CCDC6: variants seen among roughly 807,000 people sequenced by gnomAD.
The protein encoded by CCDC6 is coiled-coil domain containing 6.
A neutral mutation model predicts 56.6 loss-of-function variants in CCDC6; 20 were observed. The observed-to-expected ratio is 0.35, with a 90% confidence interval of 0.25 to 0.51. CCDC6 has a LOEUF of 0.51. Ranked by LOEUF, CCDC6 falls within the 20% of genes least tolerant of loss-of-function variation. CCDC6 has a pLI of 0.95. For synonymous variants in CCDC6, 241 were observed against 234.4 expected (o/e 1.03, Z -0.26); for missense variants, 367 against 601.1 (o/e 0.61, Z 4.07).
chr10:59,820,614 G>A (rs1406063927), intron 3 of CCDC6, among the ~76,000 whole-genome samples: 1 of 152,008 alleles, frequency 6.6e-6, no homozygotes, highest in Non-Finnish European at 1.5e-5. Flanking sequence ...CAGATGCAGT[G>A]CCATGTGCTT....
chr10:59,827,477 A>G (rs1056248888), intron 3 of CCDC6, among the ~76,000 whole-genome samples: 32 of 152,098 alleles, frequency 2.1e-4, no homozygotes, highest in African/African-American at 7.2e-4. Flanking sequence ...GACAGGCAGG[A>G]AGGACAACTA....
At chr10:59,834,089 T>C (rs920706366) in intron 2 of CCDC6, among the ~76,000 whole-genome samples, 3 of 152,144 alleles carry the variant, frequency 2.0e-5, no homozygotes, top group Non-Finnish European at 4.4e-5. Flanking sequence ...GCCCAGGGGA[T>C]GCAACGTTTC....
intron 1 of CCDC6, among the ~76,000 whole-genome samples, chr10:59,889,930 C>T (rs2071409044): frequency 6.6e-6 from 1 of 152,212 alleles, no homozygotes; most frequent in Non-Finnish European, 1.5e-5. Flanking sequence ...TTCTCAGCAA[C>T]TCTACCACTG....
intron 1 of CCDC6, among the ~76,000 whole-genome samples, chr10:59,853,392 G>A (rs1324077967): frequency 6.6e-6 from 1 of 152,100 alleles, no homozygotes; most frequent in African/African-American, 2.4e-5. Context: ...AAATTAGTCA[G>A]GCATGGTGGC....
Position 59,812,704 on chromosome 10 carries a change from G to A in CCDC6, c.778C>T (p.Arg260Cys). The change falls in exon 5 of 9, where the codon CGT becomes TGT. Residue 260 changes from arginine (R) to cysteine (C), a missense_variant. Arg to Cys is a radical substitution (Grantham distance 180). This residue lies in a region of CCDC6 where 81 missense variants were observed against 150.8 expected (regional missense o/e 0.54). Transcript: ENST00000263102. Reference protein sequence around the residue: ...MEIDSPENMMRHIRFLKNEVE... With the variant: ...MEIDSPENMMCHIRFLKNEVE... ...TCATTCTTTAAAAACCTGATGTGAC[G>A]CATCATATTTTCTGGAGAATCAATC... is the stretch of plus-strand genomic sequence containing the variant. 2.5e-6 allele frequency: 4 copies of A among 1,611,320 alleles called. No individual in the cohort carries two copies. Among genetic ancestry groups the A allele is most frequent in the Non-Finnish European group, 3.4e-6 (4 of 1,177,672 alleles).
intron 7 of CCDC6, among the ~76,000 whole-genome samples, chr10:59,802,167 T>C (rs1432766626): frequency 1.3e-5 from 2 of 152,224 alleles, no homozygotes; most frequent in Non-Finnish European, 1.5e-5. Context: ...ATATAATTCA[T>C]AAAAGCAGTC....
chr10:59,880,114 A>G (rs1033430926), intron 1 of CCDC6, among the ~76,000 whole-genome samples: 6 of 152,228 alleles, frequency 3.9e-5, no homozygotes, highest in Non-Finnish European at 5.9e-5. Context: ...TTTAAAAAAT[A>G]CCGAAGACAT....
In CCDC6 at chr10:59,812,660, C is replaced by A. The variant is rs1043914419; in HGVS notation, c.822G>T (p.Lys274Asn). Residue 274 changes from lysine to asparagine, a missense_variant, in exon 5 of 9, where the codon AAG becomes AAT. By Grantham distance (94) the Lys-to-Asn change is moderately conservative (BLOSUM62 0). Transcript: ENST00000263102. ...GCTGTAACTGAGCAGCTCTCAGTTG[C>A]TTCTTCAGCCGTTCCACTTCATTCT... is the stretch of plus-strand genomic sequence containing the variant. ...FLKNEVERLK[K>N]QLRAAQLQHS... 12 of 1,613,254 alleles carry A rather than the reference C, an allele frequency of 7.4e-6. No individual in the cohort carries two copies. The African/African-American group carries it at 1.6e-4, about 22-fold the overall frequency.
intron 1 of CCDC6, among the ~76,000 whole-genome samples, chr10:59,900,337 A>C (rs1308383675): frequency 2.0e-5 from 3 of 152,158 alleles, no homozygotes; most frequent in African/African-American, 7.2e-5. Context: ...AAGGCAGTAC[A>C]GTCTATTTCA....
intron 5 of CCDC6, 41 bp downstream of exon 5, chr10:59,812,594 A>T (rs1564739794): frequency 1.4e-6 from 2 of 1,456,810 alleles, no homozygotes; most frequent in Admixed American, 4.0e-5. Flanking sequence ...AAAGTTATTA[A>T]TTCTACAGGC....
At chr10:59,891,100 A>G (rs768408710) in intron 1 of CCDC6, among the ~76,000 whole-genome samples, 6 of 152,240 alleles carry the variant, frequency 3.9e-5, no homozygotes, top group Non-Finnish European at 7.3e-5. Context: ...CAGATCAACA[A>G]CAAATAATTT....
At chr10:59,811,014 G>T (rs1052659609) in intron 5 of CCDC6, among the ~76,000 whole-genome samples, 2 of 152,154 alleles carry the variant, frequency 1.3e-5, no homozygotes, top group Non-Finnish European at 2.9e-5. Flanking sequence ...ACAAGCCAGG[G>T]AATCCAGGCA....
chr10:59,859,191 T>G (rs1019147806), intron 1 of CCDC6, among the ~76,000 whole-genome samples: 17 of 112,190 alleles, frequency 1.5e-4, no homozygotes, highest in Non-Finnish European at 1.9e-4. Context: ...AAAAAATACA[T>G]GTGTGTGCGT....
Position 59,811,552 on chromosome 10 carries a change from T to A in CCDC6, c.847+1083A>T, listed in dbSNP as rs536139127. ...AGGGATGAAGGCAGCTTTGTATGTA[T>A]CAGCAGGGGAGAAAACTACAATGCA... On this transcript the variant is annotated intron_variant, in intron 5 of 8. Transcript: ENST00000263102. Among the ~76,000 whole-genome samples, 3 of 152,302 alleles carry A rather than the reference T, an allele frequency of 2.0e-5. No homozygotes were observed. The South Asian group carries it at 6.2e-4, about 32-fold the overall frequency.
intron 2 of CCDC6, among the ~76,000 whole-genome samples, chr10:59,840,265 T>G (rs962402550): frequency 6.6e-6 from 1 of 152,250 alleles, no homozygotes; most frequent in Non-Finnish European, 1.5e-5. Flanking sequence ...AATTAGGTAC[T>G]ACCAAATTGT....
At chr10:59,877,878 T>C (rs776372388) in intron 1 of CCDC6, among the ~76,000 whole-genome samples, 2 of 151,860 alleles carry the variant, frequency 1.3e-5, no homozygotes, top group Admixed American at 6.6e-5. Flanking sequence ...CCAAATACAA[T>C]GAGAAAGTAA....
At chr10:59,887,990 T>G (rs1272531769) in intron 1 of CCDC6, among the ~76,000 whole-genome samples, 1 of 152,166 alleles carries the variant, frequency 6.6e-6, no homozygotes, top group Non-Finnish European at 1.5e-5. Flanking sequence ...AGGTACACAC[T>G]ACCTACTCCC....
intron 2 of CCDC6, among the ~76,000 whole-genome samples, chr10:59,844,241 G>C (rs1212798220): frequency 6.6e-6 from 1 of 151,938 alleles, no homozygotes; most frequent in Non-Finnish European, 1.5e-5. Context: ...TTGATTCCTT[G>C]TTAGCAACAC....
At chr10:59,795,384 C>T (rs979945572) in intron 7 of CCDC6, among the ~76,000 whole-genome samples, 1 of 152,074 alleles carries the variant, frequency 6.6e-6, no homozygotes, top group Non-Finnish European at 1.5e-5. Context: ...TCACCACTAA[C>T]CATCAGGGAA....
Sources: allele counts gnomAD v4.1 joint callset (sites outside exome capture counted in the v4.1 genomes callset), GRCh38; gene constraint gnomAD v4.1.1; regional missense constraint gnomAD v4.1.1; transcripts MANE v1.5; gene names NCBI Gene and HGNC (gene_info 2026-07-23, HGNC 2026-07-21).